The following SH3PXD2A variants were observed in gnomAD, a reference collection of about 807,000 sequenced individuals.
SH3PXD2A encodes SH3 and PX domains 2A, also known as SH3 and PX domain-containing protein 2A.
In SH3PXD2A, 32 loss-of-function variants were observed where a neutral mutation model predicts 115.2. That is an observed-to-expected ratio of 0.28 (90% CI 0.21 to 0.37). SH3PXD2A has a LOEUF of 0.37. Ranked by LOEUF, SH3PXD2A falls within the 10% of genes least tolerant of loss-of-function variation. The pLI is 1.00. For synonymous variants in SH3PXD2A, 610 were observed against 629.1 expected (o/e 0.97, Z 0.45); for missense variants, 1,328 against 1,498.7 (o/e 0.89, Z 1.88).
At chr10:103,772,759 C>G (rs1404066365) in intron 2 of SH3PXD2A, among the ~76,000 whole-genome samples, 1 of 152,184 alleles carries the variant, frequency 6.6e-6, no homozygotes, top group Non-Finnish European at 1.5e-5. Context: ...ATCTGTAACC[C>G]AAGAGGCCGG....
chr10:103,685,322 A>G (rs926329010), intron 6 of SH3PXD2A, among the ~76,000 whole-genome samples: 5 of 140,574 alleles, frequency 3.6e-5, no homozygotes, highest in African/African-American at 1.1e-4. Context: ...CCAGGCAAAC[A>G]GCAAAACTCT....
chr10:103,621,710 G>A (rs73331497), intron 10 of SH3PXD2A, among the ~76,000 whole-genome samples: 6,466 of 152,252 alleles, frequency 0.042, 452 homozygotes, highest in African/African-American at 0.15. Context: ...GCCCAGCCCT[G>A]GGGCTTTGTT....
chr10:103,664,056 G>GCTGCGCTGACGGACTACCTCCCA (rs2037350829), intron 7 of SH3PXD2A, among the ~76,000 whole-genome samples: 1 of 152,234 alleles, frequency 6.6e-6, no homozygotes, highest in Non-Finnish European at 1.5e-5. Context: ...AGCGCCGGGT[G>GCTGCGCTGACGGACTACCTCCCA]CTGCGCTGAC....
At chr10:103,664,981 G>A (rs1287258465) in intron 7 of SH3PXD2A, among the ~76,000 whole-genome samples, 1 of 152,150 alleles carries the variant, frequency 6.6e-6, no homozygotes, top group African/African-American at 2.4e-5. Flanking sequence ...CCTAGAGTAT[G>A]GGTTTCTAGT....
intron 1 of SH3PXD2A, among the ~76,000 whole-genome samples, chr10:103,815,556 C>A (rs1334479797): frequency 1.3e-5 from 2 of 151,252 alleles, no homozygotes; most frequent in South Asian, 4.2e-4. Flanking sequence ...ATGAATGAAC[C>A]TGGAGGACAT....
chr10:103,783,984 GCAA>G (rs2038957149), intron 2 of SH3PXD2A, among the ~76,000 whole-genome samples: 2 of 152,226 alleles, frequency 1.3e-5, no homozygotes. Flanking sequence ...ACCTGGGAAT[GCAA>G]CAGGAAAAGT....
intron 1 of SH3PXD2A, among the ~76,000 whole-genome samples, chr10:103,831,556 G>C (rs1302727064): frequency 6.6e-6 from 1 of 152,112 alleles, no homozygotes; most frequent in African/African-American, 2.4e-5. Context: ...TGGGCAGGGT[G>C]GCTCAATAAT....
intron 10 of SH3PXD2A, among the ~76,000 whole-genome samples, chr10:103,618,484 C>T (rs2036553940): frequency 6.6e-6 from 1 of 152,214 alleles, no homozygotes; most frequent in South Asian, 2.1e-4. Flanking sequence ...GAACACTCCC[C>T]ACCTCACCTT....
chr10:103,694,171 C>T (rs2037796915), intron 5 of SH3PXD2A, among the ~76,000 whole-genome samples: 2 of 152,116 alleles, frequency 1.3e-5, no homozygotes, highest in Non-Finnish European at 2.9e-5. Context: ...CTCCGGAGTC[C>T]GAAGGAAATG....
At chr10:103,740,664 G>C (rs1033774431) in intron 3 of SH3PXD2A, among the ~76,000 whole-genome samples, 1 of 152,220 alleles carries the variant, frequency 6.6e-6, no homozygotes, top group Non-Finnish European at 1.5e-5. Context: ...ACCTCTTCTG[G>C]TCTGAGCAGG....
intron 5 of SH3PXD2A, among the ~76,000 whole-genome samples, chr10:103,695,795 A>G (rs2037817960): frequency 6.6e-6 from 1 of 152,236 alleles, no homozygotes; most frequent in African/African-American, 2.4e-5. Context: ...ACGTGCTTGT[A>G]GTGCTGAAGG....
In SH3PXD2A at chr10:103,603,288, A is replaced by T. The variant is rs201710367; in HGVS notation, c.1930T>A (p.Ser644Thr). The T allele has an allele frequency of 6.2e-7, 1 of 1,613,860 alleles. No individual in the cohort carries two copies. The highest frequency in any genetic ancestry group is 8.5e-7 in the Non-Finnish European group (1 of 1,179,964). ...SARGSSGDSD[S>T]PGSSSLSLTR... ...AGGGACAGCGAGGAGCTGCCTGGGG[A>T]GTCGCTGTCCCCGGAGGAGCCTCTG... is the stretch of plus-strand genomic sequence containing the variant. The change falls in exon 15 of 15, where the codon TCC becomes ACC. Residue 644 changes from serine to threonine, a missense_variant. Ser to Thr is a moderately conservative substitution (Grantham distance 58, BLOSUM62 1). Transcript: ENST00000369774.
Position 103,724,329 on chromosome 10 carries a change from C to T in SH3PXD2A, c.339G>A (p.Gln113=). 1 of 1,585,358 alleles carries T rather than the reference C, an allele frequency of 6.3e-7. No homozygotes were observed. The highest frequency in any genetic ancestry group is 8.6e-7 in the Non-Finnish European group (1 of 1,168,590). ...CGAAGAACCGGAAGACTTCGTCACA[C>T]TGTGAGATGTGGGGGGGCAGCCGGA... is the stretch of plus-strand genomic sequence containing the variant. ...ALVRLPPHIS[Q]CDEVFRFFEA... The change falls in exon 5 of 15, where the codon CAG becomes CAA. Residue 113 remains glutamine, a synonymous_variant. Transcript: ENST00000369774.
At chr10:103,677,058 T>C (rs1055601063) in intron 6 of SH3PXD2A, among the ~76,000 whole-genome samples, 1 of 152,222 alleles carries the variant, frequency 6.6e-6, no homozygotes, top group Non-Finnish European at 1.5e-5. Flanking sequence ...GCCTCCTCCC[T>C]GGCTCAGTCT....
intron 13 of SH3PXD2A, among the ~76,000 whole-genome samples, chr10:103,606,682 A>G (rs373164852): frequency 1.3e-5 from 2 of 151,886 alleles, no homozygotes; most frequent in Admixed American, 1.3e-4. Context: ...TTTTTGGTGG[A>G]GACGGGGTTT....
rs754882553 is a variant in SH3PXD2A at position 103,617,235 on chromosome 10, C to A, written c.882G>T (p.Glu294Asp). The change falls in exon 11 of 15, where the codon GAG (glutamate) becomes GAT (aspartate). Residue 294 changes from glutamate to aspartate, a missense_variant. Coordinates refer to ENST00000369774, the MANE Select transcript of SH3PXD2A (RefSeq NM_001394015.1). Reference protein sequence around the residue: ...EIGFEKGVTVEVIRKNLEGWW... With the variant: ...EIGFEKGVTVDVIRKNLEGWW... ...AGCCTTCCAGATTCTTCCGGATCAC[C>A]TCCACTGTGACGCCCTTCTCAAAGC... The A allele has an allele frequency of 1.9e-6, 3 of 1,614,172 alleles. No homozygotes were observed. Among genetic ancestry groups the A allele is most frequent in the Non-Finnish European group, 2.5e-6 (3 of 1,179,966 alleles).
At chr10:103,615,490 GT>G (rs1202027595) in intron 11 of SH3PXD2A, among the ~76,000 whole-genome samples, 1 of 57,684 alleles carries the variant, frequency 1.7e-5, no homozygotes, top group Non-Finnish European at 3.7e-5. Flanking sequence ...GAGGGTGTGT[GT>G]GTGTGTGTGT....
chr10:103,730,232 CTTTTTTTT>C (rs67561170), intron 4 of SH3PXD2A, among the ~76,000 whole-genome samples: 2 of 118,268 alleles, frequency 1.7e-5, no homozygotes, highest in African/African-American at 3.0e-5. Flanking sequence ...TTTCTCGTTT[CTTTTTTTT>C]TTTTTTTTTT....
At chr10:103,815,804 G>A (rs143648597) in intron 1 of SH3PXD2A, among the ~76,000 whole-genome samples, 11 of 151,638 alleles carry the variant, frequency 7.3e-5, no homozygotes, top group African/African-American at 2.4e-4. Context: ...CAGGACAATC[G>A]CTTGAACCTG....
Sources: allele counts gnomAD v4.1 joint callset (sites outside exome capture counted in the v4.1 genomes callset), GRCh38; gene constraint gnomAD v4.1.1; transcripts MANE v1.5; gene names NCBI Gene and HGNC (gene_info 2026-07-23, HGNC 2026-07-21).